Variants in SMTN observed in about 807,000 individuals in gnomAD.
SMTN encodes the protein smoothelin.
Under a neutral mutation model 102.0 loss-of-function variants are expected in SMTN, and 58 were observed. The observed-to-expected ratio is 0.57, with a 90% CI of 0.46 to 0.71. The LOEUF is 0.71. Among genes scored for constraint, SMTN ranks in the 30% least tolerant of loss-of-function variants. The pLI, the probability that SMTN is intolerant of heterozygous loss-of-function variation, is 0.00. For missense variants in SMTN, 1,185 were observed against 1,241.7 expected, an observed-to-expected ratio of 0.95 and a Z score of 0.69; for synonymous variants, 478 against 497.9, an observed-to-expected ratio of 0.96 and a Z score of 0.53.
In SMTN at chr22:31,082,927, G is replaced by A. The variant is rs563686457; in HGVS notation, c.-80-252G>A. 67 of 1,534,982 alleles carry A rather than the reference G, an allele frequency of 4.4e-5. No homozygotes were observed. Among genetic ancestry groups the A allele is most frequent in the Admixed American group, 5.9e-5 (3 of 50,954 alleles). ...GTTTTGAGGTTTAGACAGGATGAGA[G>A]TCCATCCCAGGCCACACAGCAGACT... On this transcript the variant is annotated intron_variant, in intron 1 of 20. Coordinates refer to ENST00000333137, the MANE Select transcript of SMTN (RefSeq NM_134269.3).
Position 31,091,106 on chromosome 22 carries a change from C to A in SMTN, c.1083C>A (p.Pro361=). 6.2e-7 allele frequency: 1 copy of A among 1,614,032 alleles called. No homozygotes were observed. Among genetic ancestry groups the A allele is most frequent in the Non-Finnish European group, 8.5e-7 (1 of 1,179,966 alleles). ...AGGCTGCCCTAAGTCCCCTGACCCC[C>A]GCAAGGCTCCTGGGCCCCTCCCTCA... ...TPQAALSPLT[P]ARLLGPSLTS... Residue 361 remains proline, a synonymous_variant, in exon 10 of 21, where the codon CCC becomes CCA. Coordinates refer to ENST00000333137, the MANE Select transcript of SMTN (RefSeq NM_134269.3).
intron 11 of SMTN, chr22:31,093,785 C>A: frequency 6.3e-7 from 1 of 1,594,408 alleles, no homozygotes; most frequent in Non-Finnish European, 8.5e-7. Context: ...CTCTTTCAGG[C>A]TGCCGAGGAT....
intron 1 of SMTN, among the ~76,000 whole-genome samples, chr22:31,073,075 C>T (rs2147487011): frequency 7.1e-6 from 1 of 140,122 alleles, no homozygotes; most frequent in African/African-American, 2.8e-5. Context: ...AGTGCAATGG[C>T]ATGATCTCGG....
chr22:31,070,865 A>C (rs1808993419), intron 1 of SMTN, among the ~76,000 whole-genome samples: 1 of 149,330 alleles, frequency 6.7e-6, no homozygotes, highest in South Asian at 2.1e-4. Flanking sequence ...CAGAGGTTGC[A>C]GTGAGCTGAG....
In SMTN at chr22:31,099,915, C is replaced by T. The variant is rs2043935083; in HGVS notation, c.2603+19C>T. 6.2e-7 allele frequency: 1 copy of T among 1,611,670 alleles called. No homozygotes were observed. Among genetic ancestry groups the T allele is most frequent in the East Asian group, 2.2e-5 (1 of 44,818 alleles). On this transcript the variant is annotated intron_variant, in intron 19 of 20. Coordinates refer to ENST00000333137, the MANE Select transcript of SMTN (RefSeq NM_134269.3). ...CTGCGGAGTAAGTGTGGGCCCTGGC[C>T]CTGCTAATGTTGCTGCACATCTGGG... is the stretch of plus-strand genomic sequence containing the variant.
chr22:31,064,866 T>G (rs2041805420), intron 1 of SMTN: 1 of 152,144 alleles, frequency 6.6e-6, no homozygotes, highest in Admixed American at 6.6e-5. Context: ...ACCAGGAAAT[T>G]AACACTGGTA....
chr22:31,072,738 A>T (rs2042033754), intron 1 of SMTN, among the ~76,000 whole-genome samples: 1 of 151,988 alleles, frequency 6.6e-6, no homozygotes, highest in Non-Finnish European at 1.5e-5. Context: ...CTGGGATTAC[A>T]GGCATGAGCC....
Position 31,081,325 on chromosome 22 carries a change from CCAG to C in SMTN, c.-211_-209del. Reference sequence around the variant, plus strand: ...CTGGACGGGCAGCTCTCCGCAGAATCCAGGGGACGGTTGCTGAGCGGGCCTGGG... The same window carrying C: ...CTGGACGGGCAGCTCTCCGCAGAATCGGGACGGTTGCTGAGCGGGCCTGGG... On this transcript the variant is annotated 5_prime_UTR_variant, in exon 1 of 21. Transcript: ENST00000333137. The C allele has an allele frequency of 6.6e-6, 1 of 152,392 alleles. No individual in the cohort carries two copies. Among genetic ancestry groups the C allele is most frequent in the East Asian group, 1.9e-4 (1 of 5,174 alleles). The allele number at this position is 152,392 out of a possible 1,614,324, so 9.4% of individuals were successfully genotyped here.
At chr22:31,076,064 G>A (rs950810090) in intron 1 of SMTN, among the ~76,000 whole-genome samples, 1 of 152,200 alleles carries the variant, frequency 6.6e-6, no homozygotes, top group Non-Finnish European at 1.5e-5. Flanking sequence ...GGCAGGGCCT[G>A]GCTGGCGGAA....
At chr22:31,071,696 CTT>C (rs760104691) in intron 1 of SMTN, among the ~76,000 whole-genome samples, 39 of 87,722 alleles carry the variant, frequency 4.4e-4, no homozygotes, top group Admixed American at 4.8e-4. Context: ...CTCTCTCTCT[CTT>C]TTTTTTTTTT....
At chr22:31,074,038 C>G (rs1384882170) in intron 1 of SMTN, among the ~76,000 whole-genome samples, 1 of 152,244 alleles carries the variant, frequency 6.6e-6, no homozygotes, top group Non-Finnish European at 1.5e-5. Flanking sequence ...AATCTCTTAA[C>G]ACCCAGGCTT....
chr22:31,099,964 G>A, intron 19 of SMTN, 68 bp downstream of exon 19: 1 of 1,532,960 alleles, frequency 6.5e-7, no homozygotes, highest in Middle Eastern at 1.9e-4. Context: ...ACCAGGCCCA[G>A]TTGCCCTGAG....
chr22:31,094,506 G>A (rs2043409092), intron 11 of SMTN, among the ~76,000 whole-genome samples: 1 of 152,204 alleles, frequency 6.6e-6, no homozygotes, highest in African/African-American at 2.4e-5. Flanking sequence ...TGGCAGCACA[G>A]AGCAGAGCCT....
At chr22:31,079,133 C>T (rs187570776), upstream of SMTN, among the ~76,000 whole-genome samples, 88 of 152,300 alleles carry the variant, frequency 5.8e-4, no homozygotes, top group Middle Eastern at 3.4e-3. Context: ...AGTGGGAGCC[C>T]CACGTCTGAC....
At chr22:31,074,752 G>C (rs1403718615) in intron 1 of SMTN, among the ~76,000 whole-genome samples, 2 of 152,110 alleles carry the variant, frequency 1.3e-5, no homozygotes, top group African/African-American at 4.8e-5. Context: ...AGCTGAGATT[G>C]TGCCATTGCA....
Position 31,096,803 on chromosome 22 carries a change from C to G in SMTN, c.1932C>G (p.Asn644Lys), listed in dbSNP as rs2043622883. The G allele has an allele frequency of 6.4e-7, 1 of 1,570,792 alleles. No individual in the cohort carries two copies. Among genetic ancestry groups the G allele is most frequent in the African/African-American group, 1.4e-5 (1 of 73,888 alleles). ...ARGRPGEGRG[N>K]TATETTTRHS... ...GCCGGCCAGGGGAGGGGCGCGGCAACACAGCCACTGAGACCACCACGAGGC... is the reference window on the plus strand; with the variant it reads ...GCCGGCCAGGGGAGGGGCGCGGCAAGACAGCCACTGAGACCACCACGAGGC... Residue 644 changes from asparagine (N) to lysine (K), a missense_variant, in exon 14 of 21, where the codon AAC becomes AAG. This residue lies in a region of SMTN where 1,096 missense variants were observed against 1,112.7 expected (regional missense o/e 0.98). Coordinates refer to ENST00000333137, the MANE Select transcript of SMTN (RefSeq NM_134269.3).
chr22:31,088,653 C>T (rs2042885595), intron 4 of SMTN, 46 bp from the exon 5 acceptor site: 1 of 1,612,108 alleles, frequency 6.2e-7, no homozygotes, highest in Admixed American at 1.7e-5. Context: ...CAGGTGAAGA[C>T]CTGGACTCCA....
Position 31,098,774 on chromosome 22 carries a change from C to A in SMTN, c.2267C>A (p.Pro756His). 6.2e-7 allele frequency: 1 copy of A among 1,613,202 alleles called. No homozygotes were observed. Among genetic ancestry groups the A allele is most frequent in the African/African-American group, 1.3e-5 (1 of 75,030 alleles). Residue 756 changes from proline to histidine, a missense_variant, in exon 17 of 21, where the codon CCC becomes CAC. By Grantham distance (77) the Pro-to-His change is moderately conservative. Transcript: ENST00000333137. Reference protein sequence around the residue: ...KKELMKAQSLPKTSASQARKA... With the variant: ...KKELMKAQSLHKTSASQARKA... ...GAGCTGATGAAGGCGCAGAGTCTGC[C>A]CAAGACCTCAGCCTCCCAGGCGCGC...
chr22:31,064,154 T>G (rs886223835), exon 1 of SMTN: 1 of 152,208 alleles, frequency 6.6e-6, no homozygotes, highest in African/African-American at 2.4e-5. Context: ...ACGGCATGGT[T>G]GGAGTCAGAA....
Sources: allele counts gnomAD v4.1 joint callset (sites outside exome capture counted in the v4.1 genomes callset), GRCh38; gene constraint gnomAD v4.1.1; regional missense constraint gnomAD v4.1.1; transcripts MANE v1.5; gene names NCBI Gene and HGNC (gene_info 2026-07-23, HGNC 2026-07-21).